Variants in PTGER3 observed in about 807,000 individuals in gnomAD.
The protein encoded by PTGER3 is prostaglandin E2 receptor EP3 subtype.
PTGER3 carries 22 observed loss-of-function variants against 34.7 expected under a neutral mutation model. The ratio of observed to expected loss-of-function variants is 0.63; its 90% confidence interval spans 0.45 to 0.91. The LOEUF is 0.91. PTGER3 is among the 40% of genes least tolerant of loss of function. PTGER3 has a pLI of 0.00. For missense variants in PTGER3, 468 were observed against 519.4 expected (o/e 0.90, Z 0.96); for synonymous variants, 241 against 230.1 (o/e 1.05, Z -0.43).
chr1:71,046,123 T>TAA lies in PTGER3; in HGVS notation c.897+556_897+557dup, dbSNP rs796109404. Among the ~76,000 whole-genome samples the TAA allele has an allele frequency of 2.0e-3, 275 of 140,562 alleles. 2 individuals are homozygous for TAA. The highest frequency in any genetic ancestry group is 6.5e-3 in the African/African-American group (253 of 38,988). The allele number at this position is 140,562 out of a possible 152,430, so 92.2% of individuals were successfully genotyped here. Reference sequence around the variant, plus strand: ...GGTGAAACCCCGTCTCTACTAAAAATAAAAAAAAAAAATTAGCCGGGCGTG... The same window carrying TAA: ...GGTGAAACCCCGTCTCTACTAAAAATAAAAAAAAAAAAAATTAGCCGGGCGTG... On this transcript the variant is annotated intron_variant, in intron 1 of 3. Coordinates refer to ENST00000306666, the MANE Select transcript of PTGER3 (RefSeq NM_198719.2).
intron 2 of PTGER3, among the ~76,000 whole-genome samples, chr1:70,957,630 G>A (rs1006525617): frequency 4.6e-5 from 7 of 152,130 alleles, no homozygotes; most frequent in African/African-American, 1.4e-4. Flanking sequence ...TGAGGCACAT[G>A]TACATAGTGT....
At chr1:70,996,771 CTCCTGCCTCAGCCT>C (rs1656010316) in intron 2 of PTGER3, among the ~76,000 whole-genome samples, 1 of 152,014 alleles carries the variant, frequency 6.6e-6, no homozygotes, top group South Asian at 2.1e-4. Context: ...TCACGCCATT[CTCCTGCCTCAGCCT>C]CCGGAGTAGG....
rs147497766 is a variant in PTGER3, at chr1:71,036,296, G to A, written c.897+10385C>T. ...AAGATTTGAAGCCAAAAAACTTGGA[G>A]CAGAGTGGATTTGGCCACATTCACT... On this transcript the variant is annotated intron_variant, in intron 1 of 3. Transcript: ENST00000306666. 8.2e-3 allele frequency among the ~76,000 whole-genome samples: 1,242 copies of A among 152,226 alleles called. 22 individuals are homozygous for A. The highest frequency in any genetic ancestry group is 0.028 in the African/African-American group (1,167 of 41,544).
At chr1:70,872,652 A>G (rs1037355949) in intron 4 of PTGER3, among the ~76,000 whole-genome samples, 1 of 152,222 alleles carries the variant, frequency 6.6e-6, no homozygotes, top group Non-Finnish European at 1.5e-5. Context: ...TGTAGCATAT[A>G]TGACATCTAG....
chr1:70,996,081 C>T (rs950313085), intron 2 of PTGER3, among the ~76,000 whole-genome samples: 2 of 152,146 alleles, frequency 1.3e-5, no homozygotes, highest in Non-Finnish European at 2.9e-5. Context: ...CATAAGGCTA[C>T]TCATTGCCTT....
intron 3 of PTGER3, among the ~76,000 whole-genome samples, chr1:70,973,257 AGATAGATAGAT>A (rs1165097211): frequency 2.1e-5 from 3 of 144,472 alleles, no homozygotes; most frequent in African/African-American, 7.7e-5. Context: ...ATAGATAGAT[AGATAGATAGAT>A]GATAGATACG....
downstream of PTGER3, chr1:70,950,768 G>A (rs1258964645): frequency 6.6e-6 from 1 of 151,896 alleles, no homozygotes; most frequent in Non-Finnish European, 1.5e-5. Context: ...GGACGATCTT[G>A]GCTCACTGCA....
chr1:70,942,825 G>A (rs1649879393), intron 4 of PTGER3, among the ~76,000 whole-genome samples: 1 of 152,162 alleles, frequency 6.6e-6, no homozygotes, highest in Non-Finnish European at 1.5e-5. Context: ...AGAGAGACAA[G>A]GGATGTGCAG....
chr1:71,009,906 A>T (rs1328641068), intron 2 of PTGER3: 1 of 985,004 alleles, frequency 1.0e-6, no homozygotes, highest in South Asian at 4.7e-5. Context: ...TCTAACCTCA[A>T]CCATCATGAA....
chr1:71,007,215 C>T (rs771636584), intron 2 of PTGER3: 18 of 985,342 alleles, frequency 1.8e-5, no homozygotes, highest in Non-Finnish European at 1.9e-5. Flanking sequence ...TCAGCTCCTC[C>T]TAGGCACACC....
chr1:71,029,968 A>G (rs1318083269), intron 1 of PTGER3, among the ~76,000 whole-genome samples: 1 of 142,358 alleles, frequency 7.0e-6, no homozygotes, highest in African/African-American at 2.8e-5. Flanking sequence ...ATAACAAAAT[A>G]AGTAAATAAA....
At chr1:71,003,260 A>G (rs1262819223) in intron 2 of PTGER3, among the ~76,000 whole-genome samples, 2 of 152,180 alleles carry the variant, frequency 1.3e-5, no homozygotes, top group African/African-American at 4.8e-5. Flanking sequence ...TGCCACTTGC[A>G]CTCTGAATGG....
At chr1:70,913,440 T>C (rs190519060) in intron 4 of PTGER3, among the ~76,000 whole-genome samples, 100 of 152,022 alleles carry the variant, frequency 6.6e-4, no homozygotes, top group Admixed American at 2.6e-3. Context: ...TGTCTGTGAA[T>C]AGAAAGTTCG....
At chr1:70,973,033 G>GAGATAGAAACA (rs1653254356) in intron 3 of PTGER3, among the ~76,000 whole-genome samples, 1 of 151,164 alleles carries the variant, frequency 6.6e-6, no homozygotes, top group African/African-American at 2.4e-5. Flanking sequence ...TACCAAAAAA[G>GAGATAGAAACA]AGATGGAAAC....
At chr1:70,860,661 A>G (rs538242510) in intron 4 of PTGER3, among the ~76,000 whole-genome samples, 1 of 152,328 alleles carries the variant, frequency 6.6e-6, no homozygotes, top group East Asian at 1.9e-4. Flanking sequence ...ATTGACTTCA[A>G]TAGTCATCAT....
chr1:71,022,806 C>T (rs552624287), intron 1 of PTGER3, among the ~76,000 whole-genome samples: 1 of 151,670 alleles, frequency 6.6e-6, no homozygotes, highest in African/African-American at 2.4e-5. Context: ...TTGCCACCAA[C>T]TTCAGCATCT....
At chr1:70,986,992 A>G (rs912933341) in intron 2 of PTGER3, among the ~76,000 whole-genome samples, 2 of 152,194 alleles carry the variant, frequency 1.3e-5, no homozygotes, top group African/African-American at 4.8e-5. Flanking sequence ...GATATCTTTA[A>G]GCACCTAAAA....
chr1:70,998,983 C>A (rs1388852086), intron 2 of PTGER3, among the ~76,000 whole-genome samples: 1 of 152,240 alleles, frequency 6.6e-6, no homozygotes, highest in African/African-American at 2.4e-5. Flanking sequence ...AGATCGAGAC[C>A]ATCGTGGCTA....
At chr1:70,908,158 G>A (rs1646988540) in intron 4 of PTGER3, among the ~76,000 whole-genome samples, 2 of 152,148 alleles carry the variant, frequency 1.3e-5, no homozygotes, top group African/African-American at 2.4e-5. Context: ...CCAGGGTGTG[G>A]AATACATAGA....
Sources: gnomAD v4.1 joint callset for allele counts (sites outside exome capture counted in the v4.1 genomes callset) on GRCh38, gnomAD v4.1.1 for gene constraint, MANE v1.5 for transcripts, NCBI Gene and HGNC (gene_info 2026-07-23, HGNC 2026-07-21) for gene names.